The following GLIS3 variants were observed in gnomAD, a reference collection of about 807,000 sequenced individuals.
GLIS3 encodes the protein zinc finger protein GLIS3.
Under a neutral mutation model 78.6 loss-of-function variants are expected in GLIS3, and 53 were observed. That is an observed-to-expected ratio of 0.67 (90% CI 0.54 to 0.85). The LOEUF (loss-of-function observed/expected upper bound fraction) is 0.85, where lower values mean the gene tolerates loss of function less well. Ranked by LOEUF, GLIS3 falls within the 40% of genes least tolerant of loss-of-function variation. The pLI is 0.00. For missense variants in GLIS3, 1,703 were observed against 1,231.1 expected (o/e 1.38, Z -5.74); for synonymous variants, 684 against 509.9 (o/e 1.34, Z -4.60).
At chr9:4,185,944 A>G (rs963786641) in intron 2 of GLIS3, among the ~76,000 whole-genome samples, 28 of 152,206 alleles carry the variant, frequency 1.8e-4, no homozygotes, top group Admixed American at 7.9e-4. Context: ...GTCAGAATAC[A>G]TATCTGGCGC....
At chr9:4,443,978 T>C in the GLIS3 span, among the ~76,000 whole-genome samples, 34 of 152,230 alleles carry the variant, frequency 2.2e-4, 1 homozygote, top group South Asian at 6.4e-3. Context: ...TTCTCTACAA[T>C]ACAGTCAAAG....
intron 1 of GLIS3, among the ~76,000 whole-genome samples, chr9:4,294,900 T>C (rs1394158941): frequency 6.6e-6 from 1 of 152,260 alleles, no homozygotes; most frequent in African/African-American, 2.4e-5. Context: ...AAGTGAAATA[T>C]ACAATTATAA....
intron 2 of GLIS3, among the ~76,000 whole-genome samples, chr9:4,248,850 AT>A (rs1277840861): frequency 4.6e-5 from 7 of 151,950 alleles, no homozygotes; most frequent in African/African-American, 7.3e-5. Context: ...TGATGATGAC[AT>A]TTTTTTCATG....
At chr9:4,448,061 C>T in the GLIS3 span, among the ~76,000 whole-genome samples, 2 of 152,176 alleles carry the variant, frequency 1.3e-5, no homozygotes, top group Non-Finnish European at 1.5e-5. Context: ...CTGTTTCTAT[C>T]TGTACTCTGA....
chr9:4,045,866 G>A (rs989244909), intron 4 of GLIS3, among the ~76,000 whole-genome samples: 1 of 152,142 alleles, frequency 6.6e-6, no homozygotes, highest in Admixed American at 6.6e-5. Flanking sequence ...AAAAGTTGGA[G>A]GACTGGCAAA....
chr9:4,120,994 G>A (rs1832133848), intron 3 of GLIS3, among the ~76,000 whole-genome samples: 1 of 152,204 alleles, frequency 6.6e-6, no homozygotes, highest in African/African-American at 2.4e-5. Flanking sequence ...ATAAAGCCAT[G>A]CAGGCACATT....
intron 5 of GLIS3, among the ~76,000 whole-genome samples, chr9:3,934,698 C>T (rs1195759959): frequency 1.3e-5 from 2 of 152,150 alleles, no homozygotes; most frequent in Non-Finnish European, 2.9e-5. Context: ...CGTGAGCCAC[C>T]GTGCCCAGCC....
chr9:4,176,530 ATTGCACTTTTAGGGTAGGAGGAATTTT>A (rs1259483392), intron 2 of GLIS3, among the ~76,000 whole-genome samples: 1 of 152,034 alleles, frequency 6.6e-6, no homozygotes, highest in Non-Finnish European at 1.5e-5. Flanking sequence ...TTTCTTTACT[ATTGCACTTTTAGGGTAGGAGGAATTTT>A]TTTCACTATT....
Position 3,829,487 on chromosome 9 carries a change from A to G in GLIS3, c.2479T>C (p.Tyr827His). ...GGACAGAACTTCTGCAGCTGCCCAT[A>G]AAATCCTGAAACGCAAGCATGGCAT... ...QPNGIHVHGF[Y>H]GQLQKFCPPH... Residue 827 changes from tyrosine (Y) to histidine (H), a missense_variant, in exon 10 of 11, where the codon TAT (tyrosine) becomes CAT (histidine). Physicochemically the swap from Tyr to His is moderately conservative, Grantham distance 83. Transcript: ENST00000381971. The G allele has an allele frequency of 6.2e-7, 1 of 1,614,030 alleles. No homozygotes were observed. Among genetic ancestry groups the G allele is most frequent in the Non-Finnish European group, 8.5e-7 (1 of 1,179,972 alleles).
At chr9:4,352,034 T>C (rs114246378), upstream of GLIS3, among the ~76,000 whole-genome samples, 1,009 of 152,332 alleles carry the variant, frequency 6.6e-3, 15 homozygotes, top group African/African-American at 0.023. Context: ...TAAAATCTCT[T>C]TCTTTTCATG....
At chr9:3,956,652 G>T (rs1395937500) in intron 4 of GLIS3, among the ~76,000 whole-genome samples, 1 of 151,760 alleles carries the variant, frequency 6.6e-6, no homozygotes. Context: ...GTTTTGTTTT[G>T]TTTCCTGTTT....
chr9:4,395,741 A>G, the GLIS3 span, among the ~76,000 whole-genome samples: 1 of 151,440 alleles, frequency 6.6e-6, no homozygotes, highest in Non-Finnish European at 1.5e-5. Context: ...ACGGACACTG[A>G]GAATAATTGG....
chr9:4,146,471 G>A (rs148191764), intron 2 of GLIS3, among the ~76,000 whole-genome samples: 2 of 152,192 alleles, frequency 1.3e-5, no homozygotes, highest in African/African-American at 4.8e-5. Flanking sequence ...GCTGCCTATT[G>A]CCAGTCTTTA....
the GLIS3 span, among the ~76,000 whole-genome samples, chr9:4,360,302 T>C: frequency 6.6e-6 from 1 of 152,192 alleles, no homozygotes; most frequent in East Asian, 1.9e-4. Context: ...AGCATGCGAC[T>C]GACTATGTTT....
intron 4 of GLIS3, among the ~76,000 whole-genome samples, chr9:3,951,329 C>G (rs1465257081): frequency 6.6e-6 from 1 of 151,796 alleles, no homozygotes; most frequent in Admixed American, 6.6e-5. Flanking sequence ...CACTAATGAT[C>G]TCTTTATGAT....
intron 2 of GLIS3, among the ~76,000 whole-genome samples, chr9:4,221,804 T>C (rs947998252): frequency 6.6e-6 from 1 of 152,226 alleles, no homozygotes; most frequent in African/African-American, 2.4e-5. Flanking sequence ...GTCCCCAGTT[T>C]GAGACAAGAA....
intron 2 of GLIS3, among the ~76,000 whole-genome samples, chr9:4,127,449 C>A (rs570857559): frequency 1.3e-5 from 2 of 152,276 alleles, no homozygotes; most frequent in East Asian, 1.9e-4. Flanking sequence ...TCTGATCCAT[C>A]TTCTTGTGCC....
At chr9:4,416,790 A>G in the GLIS3 span, among the ~76,000 whole-genome samples, 1 of 144,706 alleles carries the variant, frequency 6.9e-6, no homozygotes, top group East Asian at 2.0e-4. Flanking sequence ...AAATGGCAGC[A>G]TGGTCAACAT....
chr9:4,022,825 TATACA>T (rs1339805946), intron 4 of GLIS3, among the ~76,000 whole-genome samples: 1 of 152,130 alleles, frequency 6.6e-6, no homozygotes, highest in Non-Finnish European at 1.5e-5. Context: ...CACAAGAAAG[TATACA>T]CTATATGATA....
Sources: allele counts gnomAD v4.1 joint callset (sites outside exome capture counted in the v4.1 genomes callset), GRCh38; gene constraint gnomAD v4.1.1; transcripts MANE v1.5; gene names NCBI Gene and HGNC (gene_info 2026-07-23, HGNC 2026-07-21).